The following CCDC171 variants were observed in gnomAD, a reference collection of about 807,000 sequenced individuals.
The protein encoded by CCDC171 is coiled-coil domain containing 171.
CCDC171 carries 177 observed loss-of-function variants against 168.2 expected under a neutral mutation model. That is an observed-to-expected ratio of 1.05 (90% CI 0.93 to 1.19). The LOEUF (loss-of-function observed/expected upper bound fraction) is 1.19, where lower values mean the gene tolerates loss of function less well. CCDC171 is among the 50% of genes most tolerant of loss of function. The pLI, the probability that CCDC171 is intolerant of heterozygous loss-of-function variation, is 0.00. For missense variants in CCDC171, 1,991 were observed against 1,539.0 expected (o/e 1.29, Z -4.91); for synonymous variants, 687 against 540.8 (o/e 1.27, Z -3.75).
intron 23 of CCDC171, among the ~76,000 whole-genome samples, chr9:15,862,331 G>A (rs1431649715): frequency 6.6e-6 from 1 of 150,600 alleles, no homozygotes; most frequent in Non-Finnish European, 1.5e-5. Context: ...TTTTCTGCTG[G>A]TTTTAGTCTG....
At chr9:15,721,629 A>G (rs2134191033) in intron 11 of CCDC171, 140 bp from the exon 12 acceptor site, 1 of 300,936 alleles carries the variant, frequency 3.3e-6, no homozygotes, top group Non-Finnish European at 6.3e-6. Context: ...TTCTCCAAGT[A>G]TACTGCTGTA....
At chr9:15,771,386 A>G (rs1403381596) in intron 18 of CCDC171, among the ~76,000 whole-genome samples, 1 of 152,158 alleles carries the variant, frequency 6.6e-6, no homozygotes, top group Admixed American at 6.5e-5. Flanking sequence ...TATCAATGTA[A>G]AAGGCAAAAG....
intron 1 of CCDC171, among the ~76,000 whole-genome samples, chr9:16,056,017 G>C (rs1833833541): frequency 6.6e-6 from 1 of 152,182 alleles, no homozygotes; most frequent in South Asian, 2.1e-4. Flanking sequence ...CAACATGGAA[G>C]AATGCTTTTA....
chr9:15,807,060 CCTCT>C (rs2059114951), intron 21 of CCDC171, among the ~76,000 whole-genome samples: 1 of 152,070 alleles, frequency 6.6e-6, no homozygotes, highest in Non-Finnish European at 1.5e-5. Flanking sequence ...GTGTTTTTCC[CCTCT>C]GTCAGATCAC....
chr9:15,879,455 C>G (rs1818306236), intron 24 of CCDC171, among the ~76,000 whole-genome samples: 1 of 152,104 alleles, frequency 6.6e-6, no homozygotes, highest in Admixed American at 6.6e-5. Context: ...CAATTCTTCT[C>G]TTTTAGCTAT....
intron 3 of CCDC171, among the ~76,000 whole-genome samples, chr9:16,019,348 T>C (rs1833104146): frequency 6.6e-6 from 1 of 152,188 alleles, no homozygotes; most frequent in Non-Finnish European, 1.5e-5. Flanking sequence ...CTGGTAAAAG[T>C]AAATTGTATG....
At chr9:15,578,407 GTATTATTATTATTATTATTAT>G (rs36232245) in intron 3 of CCDC171, among the ~76,000 whole-genome samples, 37 of 134,298 alleles carry the variant, frequency 2.8e-4, no homozygotes, top group South Asian at 1.0e-3. Context: ...GTTAATTTTT[GTATTATTATTATTATTATTAT>G]TATTATTATT....
At chr9:15,886,041 A>T (rs1256829182) in intron 24 of CCDC171, 1 of 152,176 alleles carries the variant, frequency 6.6e-6, no homozygotes, top group African/African-American at 2.4e-5. Flanking sequence ...TCAAAATCAC[A>T]GTTTTAAAAA....
chr9:15,565,987 G>T (rs1372743374), intron 2 of CCDC171, among the ~76,000 whole-genome samples: 1 of 152,118 alleles, frequency 6.6e-6, no homozygotes, highest in African/African-American at 2.4e-5. Context: ...ATAATTGAGG[G>T]TTTTAATTTC....
intron 7 of CCDC171, among the ~76,000 whole-genome samples, chr9:15,632,045 C>G (rs1282549370): frequency 6.6e-6 from 1 of 152,124 alleles, no homozygotes; most frequent in Non-Finnish European, 1.5e-5. Flanking sequence ...CTCTTTATGA[C>G]AAACCCACAG....
chr9:15,603,726 T>C (rs539621055), intron 6 of CCDC171, among the ~76,000 whole-genome samples: 2 of 151,430 alleles, frequency 1.3e-5, no homozygotes, highest in African/African-American at 4.8e-5. Flanking sequence ...TGTGCATGTG[T>C]CTTTATAGTA....
intron 25 of CCDC171, among the ~76,000 whole-genome samples, chr9:15,952,483 G>A (rs1458731631): frequency 1.3e-5 from 2 of 151,910 alleles, no homozygotes; most frequent in South Asian, 2.1e-4. Flanking sequence ...CTGCAACCTC[G>A]GTCTGCTGGG....
At chr9:16,069,515 C>T in the CCDC171 span, among the ~76,000 whole-genome samples, 47 of 152,286 alleles carry the variant, frequency 3.1e-4, no homozygotes, top group Admixed American at 1.4e-3. Flanking sequence ...GATGTGGACC[C>T]GAGGAAGGGA....
intron 21 of CCDC171, among the ~76,000 whole-genome samples, chr9:15,830,607 C>G (rs957436756): frequency 6.6e-6 from 1 of 152,140 alleles, no homozygotes; most frequent in East Asian, 1.9e-4. Context: ...TAGAACAATG[C>G]ACCCAGAGTC....
At chr9:15,913,016 C>G (rs189518054) in intron 24 of CCDC171, among the ~76,000 whole-genome samples, 87 of 152,296 alleles carry the variant, frequency 5.7e-4, no homozygotes, top group African/African-American at 2.0e-3. Context: ...TGTTGTGTCT[C>G]TGCCAGGTTT....
intron 6 of CCDC171, among the ~76,000 whole-genome samples, chr9:15,612,582 T>C (rs1358372260): frequency 6.6e-6 from 1 of 152,340 alleles, no homozygotes; most frequent in African/African-American, 2.4e-5. Context: ...GTTTTTAGTA[T>C]TAAAAGTATT....
rs145564306 is a variant in CCDC171 at position 15,716,881 on chromosome 9, C to T, written c.1319-4888C>T. ...TGCATTGGGGATTAAGTTTCCAACA[C>T]GTGAACTTTGGAGGACATATTCAAA... On this transcript the variant is annotated intron_variant, in intron 11 of 25. Coordinates refer to ENST00000380701, the MANE Select transcript of CCDC171 (RefSeq NM_173550.4). Among the ~76,000 whole-genome samples the T allele has an allele frequency of 3.2e-3, 483 of 152,266 alleles. 2 individuals are homozygous for T. Among genetic ancestry groups the T allele is most frequent in the Middle Eastern group, 0.01 (3 of 294 alleles).
At chr9:15,559,255 G>A (rs2039071420) in intron 1 of CCDC171, among the ~76,000 whole-genome samples, 1 of 152,118 alleles carries the variant, frequency 6.6e-6, no homozygotes, top group Non-Finnish European at 1.5e-5. Context: ...AGGTCTGCTT[G>A]GTGCAGAGCT....
exon 1 of CCDC171, chr9:16,042,810 G>C (rs565749007): frequency 6.6e-6 from 1 of 152,184 alleles, no homozygotes; most frequent in Admixed American, 6.5e-5. Context: ...CATTAAAGAA[G>C]ATGAGGGAAA....
Sources: gnomAD v4.1 joint callset for allele counts (sites outside exome capture counted in the v4.1 genomes callset) on GRCh38, gnomAD v4.1.1 for gene constraint, MANE v1.5 for transcripts, NCBI Gene and HGNC (gene_info 2026-07-23, HGNC 2026-07-21) for gene names.